CYRIB: variants seen among roughly 807,000 people sequenced by gnomAD.
CYRIB encodes CYFIP-related Rac1 interactor B.
CYRIB carries 8 observed loss-of-function variants against 44.2 expected under a neutral mutation model. That is an observed-to-expected ratio of 0.18 (90% CI 0.11 to 0.33). CYRIB has a LOEUF of 0.33. Among genes scored for constraint, CYRIB ranks in the 10% least tolerant of loss-of-function variants. CYRIB has a pLI of 1.00. For synonymous variants in CYRIB, 131 were observed against 127.2 expected (o/e 1.03, Z -0.20); for missense variants, 185 against 382.8 (o/e 0.48, Z 4.31).
At chr8:129,849,208 T>G in intron 10 of CYRIB, 35 bp downstream of exon 12, 1 of 1,543,574 alleles carries the variant, frequency 6.5e-7, no homozygotes, top group Non-Finnish European at 8.7e-7. Context: ...ATGGAGAAAC[T>G]CGTTTGAAAT....
At chr8:129,854,142 G>T in intron 7 of CYRIB, 124 bp downstream of exon 9, 1 of 751,378 alleles carries the variant, frequency 1.3e-6, no homozygotes. Context: ...AGCTATGGCT[G>T]CCCATAATTA....
Position 129,929,049 on chromosome 8 carries a change from G to A in CYRIB, c.-50+10559C>T, listed in dbSNP as rs535669523. ...TGAACCATCCAAACACCCATCAACT[G>A]GTAATGAATAAACAAAATGTGGCAT... On this transcript the variant is annotated intron_variant, in intron 1 of 11. Coordinates refer to ENST00000519824, the Ensembl canonical transcript of CYRIB. Among the ~76,000 whole-genome samples the A allele has an allele frequency of 3.3e-5, 5 of 152,068 alleles. No individual in the cohort carries two copies. In the East Asian group the frequency reaches 5.8e-4, roughly 18 times the overall value.
At chr8:129,946,667 A>C (rs1397970558) in intron 2 of CYRIB, among the ~76,000 whole-genome samples, 1 of 152,240 alleles carries the variant, frequency 6.6e-6, no homozygotes, top group Admixed American at 6.5e-5. Flanking sequence ...CCAGTCTCAC[A>C]GGAGCCATAA....
Position 130,011,628 on chromosome 8 carries a change from A to T in CYRIB, c.-296+4742T>A, listed in dbSNP as rs189230567. ...GTCAGCAGATTGAGACCATCCTAGC[A>T]AACACGGTAAAACCCCATCTCTACT... On this transcript the variant is annotated intron_variant, in intron 1 of 14. Transcript: ENST00000401979. 1.5e-3 allele frequency among the ~76,000 whole-genome samples: 234 copies of T among 152,024 alleles called. 3 individuals carry two copies. The highest frequency in any genetic ancestry group is 4.8e-3 in the African/African-American group (199 of 41,432).
chr8:129,888,500 C>T (rs2063696271), intron 2 of CYRIB, among the ~76,000 whole-genome samples: 1 of 152,202 alleles, frequency 6.6e-6, no homozygotes. Context: ...CACACATGCG[C>T]ATCTAACCAC....
chr8:129,907,739 C>T (rs539687299), intron 1 of CYRIB, among the ~76,000 whole-genome samples: 2 of 152,258 alleles, frequency 1.3e-5, no homozygotes, highest in East Asian at 1.9e-4. Context: ...CAGTGGCTCA[C>T]GCCTGTAAGC....
chr8:129,854,812 GC>G (rs2045302367), intron 6 of CYRIB, among the ~76,000 whole-genome samples: 1 of 152,172 alleles, frequency 6.6e-6, no homozygotes, highest in Non-Finnish European at 1.5e-5. Context: ...CAAAGGACGT[GC>G]CCAACGTCTC....
chr8:129,857,103 T>C (rs1469308956), intron 5 of CYRIB, among the ~76,000 whole-genome samples: 3 of 152,194 alleles, frequency 2.0e-5, no homozygotes, highest in Non-Finnish European at 4.4e-5. Context: ...ACAGCTATTA[T>C]CCTTTTTTTT....
chr8:129,918,390 G>A (rs535998983), intron 1 of CYRIB, among the ~76,000 whole-genome samples: 97 of 152,136 alleles, frequency 6.4e-4, no homozygotes, highest in Admixed American at 1.2e-3. Flanking sequence ...TGCTTTTTAC[G>A]TTTTCTAAGG....
chr8:129,940,033 A>AC (rs536455468), upstream of CYRIB: 6 of 152,042 alleles, frequency 3.9e-5, no homozygotes, highest in East Asian at 1.2e-3. Context: ...AGGCGTGGCC[A>AC]CCCCCTTGCA....
chr8:129,950,617 A>C (rs1477042966), intron 2 of CYRIB, among the ~76,000 whole-genome samples: 1 of 152,116 alleles, frequency 6.6e-6, no homozygotes, highest in Non-Finnish European at 1.5e-5. Context: ...TGTCAGATGT[A>C]AATTATTTCA....
chr8:129,855,899 A>G, intron 5 of CYRIB, 152 bp from the exon 8 acceptor site: 1 of 705,000 alleles, frequency 1.4e-6, no homozygotes, highest in South Asian at 2.1e-5. Flanking sequence ...TAAGAAGTTT[A>G]AATGTTGCCA....
intron 1 of CYRIB, among the ~76,000 whole-genome samples, chr8:129,906,164 A>T (rs2075272159): frequency 6.6e-6 from 1 of 152,208 alleles, no homozygotes; most frequent in Non-Finnish European, 1.5e-5. Flanking sequence ...AGCCAAAAGA[A>T]CAAAGCTGGA....
chr8:129,985,678 A>G (rs913428594), intron 1 of CYRIB, among the ~76,000 whole-genome samples: 4 of 152,188 alleles, frequency 2.6e-5, no homozygotes, highest in African/African-American at 9.7e-5. Context: ...AAATAGAGTG[A>G]GTGTGGCACA....
intron 1 of CYRIB, among the ~76,000 whole-genome samples, chr8:129,979,525 C>G (rs1256324776): frequency 6.6e-6 from 1 of 152,174 alleles, no homozygotes; most frequent in Admixed American, 6.5e-5. Context: ...CACAGTGCAC[C>G]TTTTGCCCAG....
intron 1 of CYRIB, among the ~76,000 whole-genome samples, chr8:129,977,742 C>T (rs1011857631): frequency 2.6e-5 from 4 of 152,118 alleles, no homozygotes; most frequent in Non-Finnish European, 2.9e-5. Context: ...CCGTGTTAGC[C>T]AGGATGGTCT....
rs1564597245 is a variant in CYRIB at position 129,883,750 on chromosome 8, C to G, written c.-10-4279G>C. Among the ~76,000 whole-genome samples, 4 of 152,292 alleles carry G rather than the reference C, an allele frequency of 2.6e-5. No homozygotes were observed. The East Asian group carries it at 7.7e-4, about 29-fold the overall frequency. On this transcript the variant is annotated intron_variant, in intron 2 of 11. Transcript: ENST00000519824. ...GCTGTGCCACTTCCAAACTTTGTGA[C>G]TTCAGTCAAGTGTTTTTTAACTTCT... is the stretch of plus-strand genomic sequence containing the variant.
Position 129,995,532 on chromosome 8 carries a change from G to A in CYRIB, c.-296+20838C>T, listed in dbSNP as rs534043327. Among the ~76,000 whole-genome samples, 36 of 152,338 alleles carry A rather than the reference G, an allele frequency of 2.4e-4. No homozygotes were observed. The South Asian group carries it at 6.2e-3, about 26-fold the overall frequency. On this transcript the variant is annotated intron_variant, in intron 1 of 14. Coordinates refer to the CYRIB transcript ENST00000401979. Reference sequence around the variant, plus strand: ...CTGTCCTAAGACCCAGATGTGCCTGGCCTCGTGCTGGGCACTGGAGTTACA... The same window carrying A: ...CTGTCCTAAGACCCAGATGTGCCTGACCTCGTGCTGGGCACTGGAGTTACA...
intron 1 of CYRIB, among the ~76,000 whole-genome samples, chr8:129,982,995 C>A (rs544079166): frequency 7.0e-6 from 1 of 143,376 alleles, no homozygotes; most frequent in Non-Finnish European, 1.5e-5. Flanking sequence ...CCAATTATAC[C>A]TTAGTAGAGC....
Sources: gnomAD v4.1 joint callset for allele counts (sites outside exome capture counted in the v4.1 genomes callset) on GRCh38, gnomAD v4.1.1 for gene constraint, MANE v1.5 for transcripts, NCBI Gene and HGNC (gene_info 2026-07-23, HGNC 2026-07-21) for gene names.